The following DIS3L variants were observed in gnomAD, a reference collection of about 807,000 sequenced individuals.
DIS3L encodes the protein DIS3-like exonuclease 1.
A neutral mutation model predicts 120.3 loss-of-function variants in DIS3L; 100 were observed. The ratio of observed to expected loss-of-function variants is 0.83; its 90% CI spans 0.71 to 0.98. The LOEUF (loss-of-function observed/expected upper bound fraction) is 0.98. DIS3L is among the 50% of genes least tolerant of loss of function. DIS3L has a pLI of 0.00. For missense variants in DIS3L, 1,196 were observed against 1,314.2 expected, an observed-to-expected ratio of 0.91 and a Z score of 1.39; for synonymous variants, 426 against 470.6, an observed-to-expected ratio of 0.91 and a Z score of 1.23.
At chr15:66,319,568 C>A (rs113452387) in intron 8 of DIS3L, among the ~76,000 whole-genome samples, 1 of 152,182 alleles carries the variant, frequency 6.6e-6, no homozygotes, top group South Asian at 2.1e-4. Flanking sequence ...TTAACCTTTA[C>A]TTGTGTCAAA....
At chr15:66,307,512 G>A (rs1171129054) in intron 3 of DIS3L, among the ~76,000 whole-genome samples, 1 of 152,096 alleles carries the variant, frequency 6.6e-6, no homozygotes, top group African/African-American at 2.4e-5. Context: ...ATGTTGCCCA[G>A]GCTGGTCTTC....
At position 66,326,095 on chromosome 15, in the gene DIS3L, C is replaced by T. The variant is rs112222671; in HGVS notation, c.1932C>T (p.Asp644=). The change falls in exon 12 of 17, where the codon GAC becomes GAT. Residue 644 remains aspartate, a synonymous_variant. Transcript: ENST00000319212. The part of the protein sequence containing the change: ...DIARHVRAKR[D]GCGALELEGV... Reference sequence around the variant, plus strand: ...CTCGCCATGTCAGAGCTAAACGAGACGGATGTGGTGCCCTGGAACTGGAAG... The same window carrying T: ...CTCGCCATGTCAGAGCTAAACGAGATGGATGTGGTGCCCTGGAACTGGAAG... The T allele has an allele frequency of 4.3e-4, 690 of 1,614,140 alleles. 3 individuals carry two copies. The African/African-American group carries it at 7.3e-3, about 17-fold the overall frequency.
intron 2 of DIS3L, among the ~76,000 whole-genome samples, chr15:66,301,577 G>A (rs2092648754): frequency 6.6e-6 from 1 of 152,100 alleles, no homozygotes; most frequent in Non-Finnish European, 1.5e-5. Context: ...CACCACACCT[G>A]ACCTGTACTT....
rs193920782 is a variant in DIS3L at position 66,333,236 on chromosome 15, G to A, written c.3089G>A (p.Gly1030Glu). ...TATCAAGAATATCGCCAAACAAAGG[G>A]AAGGAGCCTATACACACTTCTAGAG... ...EEYQEYRQTKGRSLYTLLEEI... is the reference protein window; with the variant it reads ...EEYQEYRQTKERSLYTLLEEI... The change falls in exon 17 of 17, where the codon GGA becomes GAA. Residue 1030 changes from glycine to glutamate, a missense_variant. Physicochemically the swap from Gly to Glu is moderately conservative, Grantham distance 98 (BLOSUM62 -2). Transcript: ENST00000319212. 2 of 1,614,084 alleles carry A rather than the reference G, an allele frequency of 1.2e-6. No homozygotes were observed. Among genetic ancestry groups the A allele is most frequent in the Non-Finnish European group, 1.7e-6 (2 of 1,180,030 alleles).
chr15:66,326,950 G>A (rs766551654), intron 12 of DIS3L, among the ~76,000 whole-genome samples: 3 of 150,306 alleles, frequency 2.0e-5, no homozygotes, highest in Non-Finnish European at 4.4e-5. Flanking sequence ...TTTTCTTTGA[G>A]ATAGAGTCTC....
intron 3 of DIS3L, among the ~76,000 whole-genome samples, chr15:66,307,853 A>G (rs2092717067): frequency 6.6e-6 from 1 of 152,192 alleles, no homozygotes. Context: ...AGACTCCATC[A>G]GTGCTGCTGA....
intron 4 of DIS3L, among the ~76,000 whole-genome samples, chr15:66,309,051 T>C (rs1014253504): frequency 2.3e-5 from 1 of 43,832 alleles, no homozygotes; most frequent in African/African-American, 7.2e-5. Context: ...CAAGATCAGC[T>C]GGGCAATCTA....
At chr15:66,307,527 C>T (rs2092713895) in intron 3 of DIS3L, among the ~76,000 whole-genome samples, 1 of 152,070 alleles carries the variant, frequency 6.6e-6, no homozygotes, top group Non-Finnish European at 1.5e-5. Flanking sequence ...GTCTTCAGTT[C>T]CTGAGTTCAA....
chr15:66,323,697 G>C (rs1480782270), intron 11 of DIS3L, 112 bp downstream of exon 11: 7 of 1,117,856 alleles, frequency 6.3e-6, no homozygotes, highest in Non-Finnish European at 9.4e-6. Flanking sequence ...CCAGCCCTGT[G>C]TCTCCCCTCT....
rs745537644 is a variant in DIS3L, at chr15:66,331,993, C to A, written c.2654C>A (p.Thr885Lys). Reference sequence around the variant, plus strand: ...GACGGAGTTATTTATTCAATTAGAACAAATGGTGTGCTTCTATTTATACCA... The same window carrying A: ...GACGGAGTTATTTATTCAATTAGAAAAAATGGTGTGCTTCTATTTATACCA... ...ISDGVIYSIR[T>K]NGVLLFIPRF... The change falls in exon 15 of 17, where the codon ACA (threonine) becomes AAA (lysine). Residue 885 changes from threonine to lysine, a missense_variant. Transcript: ENST00000319212. The A allele has an allele frequency of 8.7e-6, 14 of 1,611,282 alleles. No homozygotes were observed. The highest frequency in any genetic ancestry group is 1.2e-5 in the Non-Finnish European group (14 of 1,179,268).
Position 66,320,586 on chromosome 15 carries a change from G to A in DIS3L, c.1180G>A (p.Val394Met), listed in dbSNP as rs199915796. 1.4e-5 allele frequency: 22 copies of A among 1,613,210 alleles called. No individual in the cohort carries two copies. The highest frequency in any genetic ancestry group is 3.3e-5 in the Admixed American group (2 of 59,820). ...TTTTGTGCAGGACTTCAGGGTGGTCGTGCGCATCGATTCCTGGGAGTCAAC... is the reference window on the plus strand; with the variant it reads ...TTTTGTGCAGGACTTCAGGGTGGTCATGCGCATCGATTCCTGGGAGTCAAC... Reference protein sequence around the residue: ...AETLQDFRVVVRIDSWESTSV... With the variant: ...AETLQDFRVVMRIDSWESTSV... The change falls in exon 9 of 17, where the codon GTG becomes ATG. Residue 394 changes from valine (V) to methionine (M), a missense_variant. Physicochemically the swap from Val to Met is conservative, Grantham distance 21 (BLOSUM62 1). Coordinates refer to ENST00000319212, the MANE Select transcript of DIS3L (RefSeq NM_001143688.3).
chr15:66,322,670 T>A lies in DIS3L; in HGVS notation c.1327-17T>A, dbSNP rs1411765529. The stretch of plus-strand genomic sequence containing the variant: ...TTTGTGGTGCATGAATTGCTGAATA[T>A]TTGGTTTCTCATACAGATGTGTGAG... On this transcript the variant is annotated splice_polypyrimidine_tract_variant and intron_variant, in intron 9 of 16. Transcript: ENST00000319212. 6.2e-7 allele frequency: 1 copy of A among 1,611,126 alleles called. No homozygotes were observed. The highest frequency in any genetic ancestry group is 1.7e-5 in the Admixed American group (1 of 59,698).
intron 2 of DIS3L, among the ~76,000 whole-genome samples, chr15:66,304,942 A>G (rs2092687790): frequency 6.7e-6 from 1 of 149,748 alleles, no homozygotes; most frequent in East Asian, 2.0e-4. Flanking sequence ...GTTGCTATTT[A>G]TGATTCTTTT....
chr15:66,309,094 A>AAAAAAATATATATAT lies in DIS3L; in HGVS notation c.558+251_558+252insAAAAATATATATATA. Among the ~76,000 whole-genome samples, 70 of 15,312 alleles carry AAAAAAATATATATAT rather than the reference A, an allele frequency of 4.6e-3. 16 individuals are homozygous for AAAAAAATATATATAT. Among genetic ancestry groups the AAAAAAATATATATAT allele is most frequent in the South Asian group, 0.025 (3 of 118 alleles). The allele number at this position is 15,312 out of a possible 152,430, so 10.0% of individuals were successfully genotyped here. ...CTTGTCTCTACAGAAAAAAAAAAAAAATATATATATCTCCAAGCATGGTGG... is the reference window on the plus strand; with the variant it reads ...CTTGTCTCTACAGAAAAAAAAAAAAAAAAAAATATATATATATATATATATCTCCAAGCATGGTGG... On this transcript the variant is annotated intron_variant, in intron 4 of 16. Coordinates refer to ENST00000319212, the MANE Select transcript of DIS3L (RefSeq NM_001143688.3).
intron 2 of DIS3L, among the ~76,000 whole-genome samples, chr15:66,299,963 A>T (rs2092630016): frequency 6.6e-6 from 1 of 152,106 alleles, no homozygotes; most frequent in Non-Finnish European, 1.5e-5. Flanking sequence ...AGACATGAGA[A>T]TTGCTTGAAC....
At chr15:66,318,414 C>T (rs774032521) in intron 7 of DIS3L, 35 bp from the exon 8 acceptor site, 2 of 1,599,156 alleles carry the variant, frequency 1.3e-6, no homozygotes, top group East Asian at 4.5e-5. Context: ...GGCACCTAAC[C>T]AGTTAATGCC....
intron 4 of DIS3L, among the ~76,000 whole-genome samples, chr15:66,310,036 C>T (rs1029197238): frequency 2.0e-5 from 3 of 152,142 alleles, no homozygotes; most frequent in Non-Finnish European, 2.9e-5. Flanking sequence ...GATCGCTGGT[C>T]GCTTCTGTCT....
At chr15:66,313,689 C>G (rs966520465) in intron 5 of DIS3L, among the ~76,000 whole-genome samples, 2 of 151,842 alleles carry the variant, frequency 1.3e-5, no homozygotes, top group Admixed American at 1.3e-4. Flanking sequence ...GAGATTGTGA[C>G]ACCGCACTCC....
intron 11 of DIS3L, 90 bp downstream of exon 11, chr15:66,323,675 C>T (rs746413836): frequency 5.0e-5 from 67 of 1,341,620 alleles, no homozygotes; most frequent in Non-Finnish European, 6.5e-5. Flanking sequence ...TTCTTCTCTG[C>T]TATGCCCCAC....
Sources: allele counts gnomAD v4.1 joint callset (sites outside exome capture counted in the v4.1 genomes callset), GRCh38; gene constraint gnomAD v4.1.1; transcripts MANE v1.5; gene names NCBI Gene and HGNC (gene_info 2026-07-23, HGNC 2026-07-21).